The following SEL1L3 variants were observed in gnomAD, a reference collection of about 807,000 sequenced individuals.
The protein encoded by SEL1L3 is protein sel-1 homolog 3.
A neutral mutation model predicts 142.8 loss-of-function variants in SEL1L3; 76 were observed. The ratio of observed to expected loss-of-function variants is 0.53; its 90% CI spans 0.44 to 0.64. The LOEUF is 0.64. SEL1L3 is among the 30% of genes least tolerant of loss of function. The probability of loss-of-function intolerance (pLI) is 0.00; values close to 1 mark genes in which losing one functional copy is unlikely to be tolerated. For synonymous variants in SEL1L3, 504 were observed against 519.6 expected (o/e 0.97, Z 0.41); for missense variants, 1,262 against 1,381.7 (o/e 0.91, Z 1.37).
At chr4:25,757,100 TC>T (rs766725352) in intron 23 of SEL1L3, among the ~76,000 whole-genome samples, 18 of 151,992 alleles carry the variant, frequency 1.2e-4, no homozygotes, top group Non-Finnish European at 1.9e-4. Context: ...AAACCCCGTC[TC>T]TACTAAAAAT....
In SEL1L3 at chr4:25,759,057, G is replaced by A; in HGVS notation, c.2967C>T (p.Asn989=). The change falls in exon 21 of 24, where the codon AAC becomes AAT. Residue 989 remains asparagine, a synonymous_variant. Transcript: ENST00000399878. ...TACCTTCCTCGATTAGCAGGGCCAG[G>A]TTAAAAAATCCCTAAAAACAAGCCA... ...ALDGDSQGFF[N]LALLIEEGTI... The A allele has an allele frequency of 1.2e-6, 2 of 1,612,878 alleles. No homozygotes were observed. Among genetic ancestry groups the A allele is most frequent in the South Asian group, 1.1e-5 (1 of 90,748 alleles).
At chr4:25,776,579 T>C (rs1315143517) in intron 16 of SEL1L3, 8 of 507,852 alleles carry the variant, frequency 1.6e-5, no homozygotes, top group African/African-American at 7.7e-5. Context: ...TTGTCTTTTA[T>C]GGAAACAAAG....
chr4:25,853,662 AC>A (rs1328887586), intron 1 of SEL1L3, among the ~76,000 whole-genome samples: 2 of 126,322 alleles, frequency 1.6e-5, no homozygotes, highest in East Asian at 2.2e-4. Flanking sequence ...TGCTCTTCTT[AC>A]CTTTTTTTTT....
chr4:25,767,134 A>T (rs904047669), intron 19 of SEL1L3, among the ~76,000 whole-genome samples: 2 of 152,094 alleles, frequency 1.3e-5, no homozygotes, highest in Admixed American at 6.6e-5. Flanking sequence ...TCTACTTAAA[A>T]AATACAAAAA....
chr4:25,776,911 C>A (rs896072534), intron 16 of SEL1L3, among the ~76,000 whole-genome samples: 1 of 151,628 alleles, frequency 6.6e-6, no homozygotes, highest in Non-Finnish European at 1.5e-5. Context: ...AACCCCCCCA[C>A]AGATGTGACA....
At position 25,804,565 on chromosome 4, in the gene SEL1L3, T is replaced by C; in HGVS notation, c.1752A>G (p.Leu584=). 1 of 1,612,612 alleles carries C rather than the reference T, an allele frequency of 6.2e-7. No individual in the cohort carries two copies. Among genetic ancestry groups the C allele is most frequent in the Non-Finnish European group, 8.5e-7 (1 of 1,179,122 alleles). ...CCTGCAGCTGATCCCGAGGAACATT[T>C]AATCCAGTCTCATAAAAGACTGCAA... ...YYLAVFYETG[L]NVPRDQLQGM... Residue 584 remains leucine, a synonymous_variant, in exon 10 of 24, where the codon TTA becomes TTG. Transcript: ENST00000399878.
chr4:25,779,194 C>T lies in SEL1L3; in HGVS notation c.2467G>A (p.Gly823Ser). ...GVPGRNQTLA[G>S]EYFHKAAQGG... Reference sequence around the variant, plus strand: ...TGCGCAGCCTTATGGAAATATTCACCAGCTAAAGTCTGTAACAAGAGATGA... The same window carrying T: ...TGCGCAGCCTTATGGAAATATTCACTAGCTAAAGTCTGTAACAAGAGATGA... The change falls in exon 16 of 24, where the codon GGT becomes AGT. Residue 823 changes from glycine to serine, a missense_variant. Physicochemically the swap from Gly to Ser is moderately conservative, Grantham distance 56 (BLOSUM62 0). Coordinates refer to ENST00000399878, the MANE Select transcript of SEL1L3 (RefSeq NM_015187.5). 1 of 1,613,116 alleles carries T rather than the reference C, an allele frequency of 6.2e-7. No homozygotes were observed.
intron 1 of SEL1L3, among the ~76,000 whole-genome samples, chr4:25,858,298 T>G (rs1467720667): frequency 1.3e-5 from 2 of 152,242 alleles, no homozygotes; most frequent in Non-Finnish European, 2.9e-5. Flanking sequence ...TTGGTTGATG[T>G]GAGGTTTGGG....
chr4:25,835,462 T>TATGAA, intron 2 of SEL1L3, 139 bp from the exon 3 acceptor site: 1 of 897,684 alleles, frequency 1.1e-6, no homozygotes, highest in Non-Finnish European at 1.7e-6. Flanking sequence ...CAAACATCTG[T>TATGAA]TGAATAAATG....
At chr4:25,823,370 C>T (rs1452604398) in intron 6 of SEL1L3, among the ~76,000 whole-genome samples, 2 of 152,032 alleles carry the variant, frequency 1.3e-5, no homozygotes, top group East Asian at 3.9e-4. Context: ...TAAAAATTAG[C>T]CAGGTGTGGT....
chr4:25,830,284 A>G (rs1461787704), intron 5 of SEL1L3, 128 bp from the exon 6 acceptor site: 2 of 585,064 alleles, frequency 3.4e-6, no homozygotes, highest in Non-Finnish European at 6.0e-6. Context: ...CTGCAAAAAT[A>G]AAATTAACAG....
At chr4:25,769,362 G>A (rs563233422) in intron 17 of SEL1L3, among the ~76,000 whole-genome samples, 26 of 152,216 alleles carry the variant, frequency 1.7e-4, no homozygotes, top group Admixed American at 1.3e-3. Context: ...GAGCCAATTC[G>A]CAGGCTCTGA....
chr4:25,780,454 C>T (rs1478716873), intron 15 of SEL1L3, among the ~76,000 whole-genome samples: 2 of 152,038 alleles, frequency 1.3e-5, no homozygotes, highest in Non-Finnish European at 2.9e-5. Context: ...CCTCCCTGGT[C>T]CTATCTCCCA....
chr4:25,729,244 T>G, the SEL1L3 span, among the ~76,000 whole-genome samples: 1 of 152,198 alleles, frequency 6.6e-6, no homozygotes, highest in African/African-American at 2.4e-5. Flanking sequence ...CTATGGAAGC[T>G]GTGCACAGAG....
chr4:25,834,846 C>T (rs898473485), intron 3 of SEL1L3, among the ~76,000 whole-genome samples: 1 of 152,142 alleles, frequency 6.6e-6, no homozygotes, highest in Non-Finnish European at 1.5e-5. Flanking sequence ...TCAAACAGCT[C>T]GTCCAATCTT....
At chr4:25,821,087 T>C (rs977771296) in intron 7 of SEL1L3, among the ~76,000 whole-genome samples, 7 of 152,244 alleles carry the variant, frequency 4.6e-5, no homozygotes, top group Admixed American at 4.6e-4. Context: ...CCTATCCATC[T>C]TGCTTGTCTC....
chr4:25,750,438 A>C (rs927304304), intron 23 of SEL1L3, among the ~76,000 whole-genome samples: 10 of 152,162 alleles, frequency 6.6e-5, no homozygotes, highest in African/African-American at 2.4e-4. Context: ...GGAAGCAAAA[A>C]AGAAAGAATA....
chr4:25,740,606 T>C, the SEL1L3 span, among the ~76,000 whole-genome samples: 2 of 152,240 alleles, frequency 1.3e-5, no homozygotes, highest in East Asian at 1.9e-4. Context: ...ATAGCACCTA[T>C]TGGACCTGTG....
rs1712205470 is a variant in SEL1L3, at chr4:25,790,340, G to C, written c.2076+115C>G. 3 of 1,000,262 alleles carry C rather than the reference G, an allele frequency of 3.0e-6. No individual in the cohort carries two copies. The East Asian group carries it at 7.6e-5, about 25-fold the overall frequency. The allele number at this position is 1,000,262 out of a possible 1,614,324, so 62.0% of individuals were successfully genotyped here. A position where few individuals can be genotyped will look rare whatever the true frequency, so the allele number is the denominator to read the frequency against. On this transcript the variant is annotated intron_variant, in intron 12 of 23. Transcript: ENST00000399878. Reference sequence around the variant, plus strand: ...CCCCTATTGGACATGCAGTGTGAGTGAGAAATAAACTGGCATTATTTTAAG... The same window carrying C: ...CCCCTATTGGACATGCAGTGTGAGTCAGAAATAAACTGGCATTATTTTAAG...
Sources: allele counts gnomAD v4.1 joint callset (sites outside exome capture counted in the v4.1 genomes callset), GRCh38; gene constraint gnomAD v4.1.1; transcripts MANE v1.5; gene names NCBI Gene and HGNC (gene_info 2026-07-23, HGNC 2026-07-21).